Variants in GCN1 observed in about 807,000 individuals in gnomAD.
The protein encoded by GCN1 is GCN1 activator of EIF2AK4.
Under a neutral mutation model 288.4 loss-of-function variants are expected in GCN1, and 90 were observed. The ratio of observed to expected loss-of-function variants is 0.31; its 90% CI spans 0.26 to 0.37. GCN1 has a LOEUF of 0.37. GCN1 is among the 10% of genes least tolerant of loss of function. The pLI, the probability that GCN1 is intolerant of heterozygous loss-of-function variation, is 1.00. For missense variants in GCN1, 2,586 were observed against 3,419.9 expected (o/e 0.76, Z 6.08); for synonymous variants, 1,386 against 1,420.2 (o/e 0.98, Z 0.54).
At chr12:120,150,155 C>T in intron 34 of GCN1, 112 bp from the exon 35 acceptor site, 1 of 1,032,408 alleles carries the variant, frequency 9.7e-7, no homozygotes, top group East Asian at 2.6e-5. Flanking sequence ...TGGAAACACT[C>T]AGAAACAGCT....
chr12:120,191,651 A>T (rs1879008086), intron 1 of GCN1, among the ~76,000 whole-genome samples: 1 of 152,220 alleles, frequency 6.6e-6, no homozygotes, highest in African/African-American at 2.4e-5. Context: ...AAAGAAACTG[A>T]TGTCCAAAAC....
At chr12:120,181,607 A>T (rs1878664162) in intron 5 of GCN1, among the ~76,000 whole-genome samples, 1 of 151,746 alleles carries the variant, frequency 6.6e-6, no homozygotes, top group African/African-American at 2.4e-5. Context: ...TGGGAGGCCG[A>T]GGCGGGCGGA....
intron 22 of GCN1, 146 bp from the exon 23 acceptor site, chr12:120,160,401 C>G (rs1342767037): frequency 4.8e-6 from 3 of 620,210 alleles, no homozygotes; most frequent in Non-Finnish European, 8.6e-6. Flanking sequence ...ATGTGCACCC[C>G]CAACCTCCCA....
chr12:120,161,734 C>G (rs1877933770), intron 21 of GCN1, 146 bp downstream of exon 21: 1 of 932,022 alleles, frequency 1.1e-6, no homozygotes, highest in African/African-American at 1.6e-5. Flanking sequence ...AGGACCTAAG[C>G]ACCGTGCCGG....
intron 26 of GCN1, among the ~76,000 whole-genome samples, chr12:120,157,351 C>T (rs1180557558): frequency 2.0e-5 from 3 of 152,166 alleles, no homozygotes; most frequent in African/African-American, 7.2e-5. Context: ...TGCATTAAGG[C>T]TTTGAGAAAA....
intron 31 of GCN1, among the ~76,000 whole-genome samples, chr12:120,154,502 T>C (rs1877674973): frequency 1.3e-5 from 2 of 152,210 alleles, no homozygotes; most frequent in African/African-American, 2.4e-5. Flanking sequence ...AATGTCCCAG[T>C]TGCTCCCAGA....
In GCN1 at chr12:120,142,783, C is replaced by T; in HGVS notation, c.5613+41G>A. The T allele has an allele frequency of 6.3e-7, 1 of 1,591,870 alleles. No homozygotes were observed. The highest frequency in any genetic ancestry group is 8.6e-7 in the Non-Finnish European group (1 of 1,159,676). ...CCTCTATGGCATGGGCATCAGGGCA[C>T]ACCCTACCATCAGCAGGGGCAGGAA... On this transcript the variant is annotated intron_variant, in intron 43 of 57. Coordinates refer to ENST00000300648, the MANE Select transcript of GCN1 (RefSeq NM_006836.2). The surrounding 1 kb of genome is among the most constrained non-coding windows in gnomAD (Gnocchi z 4.9).
At chr12:120,187,368 C>T (rs1227321183) in intron 2 of GCN1, among the ~76,000 whole-genome samples, 2 of 151,994 alleles carry the variant, frequency 1.3e-5, no homozygotes, top group African/African-American at 2.4e-5. Flanking sequence ...TGCCCACCAC[C>T]ACACCCAGCT....
chr12:120,162,930 T>A lies in GCN1; in HGVS notation c.2080A>T (p.Met694Leu), dbSNP rs757739133. 4 of 1,614,220 alleles carry A rather than the reference T, an allele frequency of 2.5e-6. No individual in the cohort carries two copies. Among genetic ancestry groups the A allele is most frequent in the Non-Finnish European group, 2.5e-6 (3 of 1,180,038 alleles). Residue 694 changes from methionine (M) to leucine (L), a missense_variant, in exon 20 of 58, where the codon ATG becomes TTG. Physicochemically the swap from Met to Leu is conservative, Grantham distance 15. This residue lies in a region of GCN1 where 913 missense variants were observed against 1,107.0 expected (regional missense o/e 0.82). Coordinates refer to ENST00000300648, the MANE Select transcript of GCN1 (RefSeq NM_006836.2). ...ATAAAGGCTTCAGGATCGATCTTCA[T>A]CCTGGCAAGAAGTGCTGGCCAAAGT... ...SGLWPALLAR[M>L]KIDPEAFITR...
intron 34 of GCN1, among the ~76,000 whole-genome samples, chr12:120,150,379 G>A (rs1039977343): frequency 2.6e-5 from 4 of 151,688 alleles, no homozygotes; most frequent in Non-Finnish European, 4.4e-5. Context: ...GGCAGATCAC[G>A]AGGTCAGGAA....
Position 120,155,282 on chromosome 12 carries a change from C to T in GCN1, c.3589G>A (p.Val1197Ile). The T allele has an allele frequency of 1.9e-6, 3 of 1,614,214 alleles. No individual in the cohort carries two copies. The highest frequency in any genetic ancestry group is 2.5e-6 in the Non-Finnish European group (3 of 1,180,046). Residue 1197 changes from valine (V) to isoleucine (I), a missense_variant, in exon 30 of 58, where the codon GTT (valine) becomes ATT (isoleucine). Transcript: ENST00000300648. This position sits in a 1 kb window ranked among gnomAD's most constrained non-coding sequence, Gnocchi z 4.9. Reference sequence around the variant, plus strand: ...TAAATCTCCATGAGCCTGCCCATAACCTCCGCCGCCTGCCGCTGGTAACGT... The same window carrying T: ...TAAATCTCCATGAGCCTGCCCATAATCTCCGCCGCCTGCCGCTGGTAACGT... ...VARYQRQAAEVMGRLMEIYQE... is the reference protein window; with the variant it reads ...VARYQRQAAEIMGRLMEIYQE...
chr12:120,146,920 A>G (rs982039824), intron 38 of GCN1, 132 bp downstream of exon 38: 1 of 526,220 alleles, frequency 1.9e-6, no homozygotes, highest in Non-Finnish European at 3.2e-6. Context: ...AAAATGGCTC[A>G]TTTCTCCCCA....
In GCN1 at chr12:120,138,354, C is replaced by T. The variant is rs1877079517; in HGVS notation, c.6218G>A (p.Ser2073Asn). Residue 2073 changes from serine (S) to asparagine (N), a missense_variant, in exon 47 of 58, where the codon AGT (serine) becomes AAT (asparagine). Transcript: ENST00000300648. ...CACAAGGTAGGGCAGCACCACACGA[C>T]TCTTAATAGCCATGACTTGCTTCAG... The part of the protein sequence containing the change: ...DGLKQVMAIK[S>N]RVVLPYLVPK... 2 of 1,610,766 alleles carry T rather than the reference C, an allele frequency of 1.2e-6. No homozygotes were observed. The highest frequency in any genetic ancestry group is 8.5e-7 in the Non-Finnish European group (1 of 1,176,890).
In GCN1 at chr12:120,164,509, G is replaced by T. The variant is rs767364289; in HGVS notation, c.1689-14C>A. The stretch of plus-strand genomic sequence containing the variant: ...CGGTGGTACTGCCTGCAAGCACAGG[G>T]ACAGACAGGTCTGGGGGAAGGCCAA... On this transcript the variant is annotated splice_polypyrimidine_tract_variant and intron_variant, in intron 17 of 57. Transcript: ENST00000300648. The T allele has an allele frequency of 5.0e-6, 8 of 1,612,720 alleles. No individual in the cohort carries two copies. The East Asian group carries it at 1.8e-4, about 36-fold the overall frequency.
chr12:120,153,632 C>A lies in GCN1; in HGVS notation c.3867+112G>T. 1 of 1,063,394 alleles carries A rather than the reference C, an allele frequency of 9.4e-7. No homozygotes were observed. Among genetic ancestry groups the A allele is most frequent in the Non-Finnish European group, 1.4e-6 (1 of 714,814 alleles). The allele number at this position is 1,063,394 out of a possible 1,614,324, so 65.9% of individuals were successfully genotyped here. A position where few individuals can be genotyped will look rare whatever the true frequency, so the allele number is the denominator to read the frequency against. On this transcript the variant is annotated intron_variant, in intron 32 of 57. Coordinates refer to ENST00000300648, the MANE Select transcript of GCN1 (RefSeq NM_006836.2). The surrounding 1 kb of genome is among the most constrained non-coding windows in gnomAD (Gnocchi z 4.4). Reference sequence around the variant, plus strand: ...CAAAGTGCTCTGCCAGGACTCTTGGCACTCAGCATTTCTGGCCCCTGCTCA... The same window carrying A: ...CAAAGTGCTCTGCCAGGACTCTTGGAACTCAGCATTTCTGGCCCCTGCTCA...
Position 120,194,675 on chromosome 12 carries a change from C to G in GCN1, c.18+5G>C. The G allele has an allele frequency of 6.6e-7, 1 of 1,514,478 alleles. No homozygotes were observed. 93.8% of individuals were successfully genotyped at this position (1,514,478 alleles called of 1,614,324 possible). A position where few individuals can be genotyped will look rare whatever the true frequency, so the allele number is the denominator to read the frequency against. ...CCGCGTTGGCCCCGCAGCCGCCCGC[C>G]TCACCTGCGTGTCCGCCGCCATCCT... On this transcript the variant is annotated splice_donor_5th_base_variant and intron_variant, in intron 1 of 57. Transcript: ENST00000300648.
rs369317247 is a variant in GCN1, at chr12:120,130,727, C to G, written c.7590G>C (p.Arg2530=). 13 of 1,613,614 alleles carry G rather than the reference C, an allele frequency of 8.1e-6. No individual in the cohort carries two copies. The highest frequency in any genetic ancestry group is 1.0e-5 in the Non-Finnish European group (12 of 1,179,748). ...GGTGTCTCATGAGAAAGCCCATGCC[C>G]CGGACCCCGCTCACCGCAATGGGGA... ...DRIPIAVSGV[R]GMGFLMRHHI... is the part of the protein sequence containing the mutation. The change falls in exon 56 of 58, where the codon CGG becomes CGC. Residue 2530 remains arginine, a synonymous_variant. Coordinates refer to ENST00000300648, the MANE Select transcript of GCN1 (RefSeq NM_006836.2).
In GCN1 at chr12:120,129,323, C is replaced by T; in HGVS notation, c.7843G>A (p.Ala2615Thr). ...CGCATCTTGAGGAGGTTGACAATTG[C>T]CTGGTCGCTGTAGGCCCTGACCACG... ...NTVVRAYSDQ[A>T]IVNLLKMRQG... is the part of the protein sequence containing the mutation. The change falls in exon 57 of 58, where the codon GCA becomes ACA. Residue 2615 changes from alanine to threonine, a missense_variant. By Grantham distance (58) the Ala-to-Thr change is moderately conservative. Around this residue, in one of 8 missense-constraint regions of GCN1, gnomAD observed 355 missense variants for 431.1 expected, o/e 0.82. Transcript: ENST00000300648. The T allele has an allele frequency of 1.9e-6, 3 of 1,614,198 alleles. No individual in the cohort carries two copies. Among genetic ancestry groups the T allele is most frequent in the Non-Finnish European group, 2.5e-6 (3 of 1,180,042 alleles).
chr12:120,159,531 C>T (rs957693156), intron 24 of GCN1, among the ~76,000 whole-genome samples: 2 of 152,202 alleles, frequency 1.3e-5, no homozygotes, highest in African/African-American at 4.8e-5. Context: ...TCCTCACTGC[C>T]ACTGAACTTC....
Sources: allele counts gnomAD v4.1 joint callset (sites outside exome capture counted in the v4.1 genomes callset), GRCh38; gene constraint gnomAD v4.1.1; regional missense constraint gnomAD v4.1.1; non-coding constraint Gnocchi (gnomAD v3.1); transcripts MANE v1.5; gene names NCBI Gene and HGNC (gene_info 2026-07-23, HGNC 2026-07-21).